Variants in CHL1 observed in about 807,000 individuals in gnomAD.
CHL1 encodes cell adhesion molecule L1 like, also known as neural cell adhesion molecule L1-like protein.
CHL1 carries 96 observed loss-of-function variants against 141.9 expected under a neutral mutation model. The ratio of observed to expected loss-of-function variants is 0.68; its 90% confidence interval spans 0.57 to 0.80. The LOEUF (loss-of-function observed/expected upper bound fraction) is 0.80, where lower values mean the gene tolerates loss of function less well. CHL1 is among the 30% of genes least tolerant of loss of function. The probability of loss-of-function intolerance (pLI) is 0.00; values close to 1 mark genes in which losing one functional copy is unlikely to be tolerated. For missense variants in CHL1, 1,820 were observed against 1,457.2 expected (o/e 1.25, Z -4.05); for synonymous variants, 613 against 502.2 (o/e 1.22, Z -2.95).
chr3:234,188 T>C (rs1322552199), intron 1 of CHL1, among the ~76,000 whole-genome samples: 1 of 94,064 alleles, frequency 1.1e-5, no homozygotes, highest in Non-Finnish European at 2.7e-5. Flanking sequence ...TATATGTGTG[T>C]GTGTGTATAT....
intron 1 of CHL1, chr3:217,532 G>A (rs1174453037): frequency 1.3e-5 from 2 of 152,224 alleles, no homozygotes; most frequent in Non-Finnish European, 2.9e-5. Flanking sequence ...TTCACGCTGA[G>A]CCAGAAAGGG....
At chr3:333,139 T>A (rs57392973) in intron 5 of CHL1, among the ~76,000 whole-genome samples, 10 of 140,186 alleles carry the variant, frequency 7.1e-5, no homozygotes, top group African/African-American at 2.3e-4. Context: ...TTTTATTTTT[T>A]TTTTTTGCTG....
intron 26 of CHL1, among the ~76,000 whole-genome samples, chr3:399,535 A>G (rs927663821): frequency 4.6e-5 from 7 of 152,044 alleles, no homozygotes; most frequent in Non-Finnish European, 1.0e-4. Flanking sequence ...AGCTACTCGG[A>G]AGGCTGAGAC....
At chr3:347,603 A>G (rs1702873192) in intron 9 of CHL1, among the ~76,000 whole-genome samples, 1 of 152,200 alleles carries the variant, frequency 6.6e-6, no homozygotes, top group Non-Finnish European at 1.5e-5. Flanking sequence ...GCTGAAAGTG[A>G]GTTACTTGCT....
In CHL1 at chr3:233,347, CTT is replaced by C. The variant is rs373428734; in HGVS notation, c.-174-11265_-174-11264del. 1.0e-3 allele frequency among the ~76,000 whole-genome samples: 155 copies of C among 152,230 alleles called. 2 individuals carry two copies. In the South Asian group the frequency reaches 0.028, roughly 28 times the overall value. ...TCTTTTAGGTTTCTGAGTTGCCTCT[CTT>C]GCTTTTCTATACCAGCCCCCAACCC... On this transcript the variant is annotated intron_variant, in intron 1 of 27. Transcript: ENST00000256509.
chr3:299,162 G>A (rs1304641403), intron 2 of CHL1, among the ~76,000 whole-genome samples: 1 of 152,198 alleles, frequency 6.6e-6, no homozygotes, highest in African/African-American at 2.4e-5. Flanking sequence ...AGAAGACACA[G>A]TCACGTAAAT....
At chr3:222,924 C>G (rs554985771) in intron 1 of CHL1, among the ~76,000 whole-genome samples, 2 of 152,234 alleles carry the variant, frequency 1.3e-5, no homozygotes, top group South Asian at 4.1e-4. Flanking sequence ...AGTATAGCAT[C>G]TTCCAATTTT....
intron 2 of CHL1, among the ~76,000 whole-genome samples, chr3:287,952 G>A (rs1574966619): frequency 6.6e-6 from 1 of 152,154 alleles, no homozygotes; most frequent in African/African-American, 2.4e-5. Context: ...ATTTTTAGTA[G>A]AGATGGGGTT....
chr3:279,277 C>G (rs1696426685), intron 2 of CHL1, among the ~76,000 whole-genome samples: 4 of 151,876 alleles, frequency 2.6e-5, no homozygotes, highest in Admixed American at 2.6e-4. Flanking sequence ...CATCATTTTT[C>G]TTTTCTTTTC....
Position 276,951 on chromosome 3 carries a change from AT to A in CHL1, c.-95+32261del, listed in dbSNP as rs531740230. Reference sequence around the variant, plus strand: ...CTCCGGGCCAGATTATCCGGGTTCCATTCTAAAGCACTCCACTTATTAGCTG... The same window carrying A: ...CTCCGGGCCAGATTATCCGGGTTCCATCTAAAGCACTCCACTTATTAGCTG... On this transcript the variant is annotated intron_variant, in intron 2 of 27. Coordinates refer to ENST00000256509, the MANE Select transcript of CHL1 (RefSeq NM_006614.4). Among the ~76,000 whole-genome samples the A allele has an allele frequency of 1.3e-3, 194 of 150,398 alleles. 1 individual carries two copies. Among genetic ancestry groups the A allele is most frequent in the African/African-American group, 4.5e-3 (183 of 40,968 alleles).
At chr3:261,377 G>A (rs73092565) in intron 2 of CHL1, among the ~76,000 whole-genome samples, 2,128 of 150,542 alleles carry the variant, frequency 0.014, 45 homozygotes, top group African/African-American at 0.046. Context: ...AAGGAAGGAG[G>A]GAGAGAGAGC....
chr3:310,886 T>G (rs972472723), intron 2 of CHL1, among the ~76,000 whole-genome samples: 2 of 152,228 alleles, frequency 1.3e-5, no homozygotes, highest in Non-Finnish European at 2.9e-5. Context: ...CTCCTATTCA[T>G]TCCCTCTTCT....
intron 1 of CHL1, among the ~76,000 whole-genome samples, chr3:233,241 C>G (rs1372999267): frequency 2.0e-5 from 3 of 152,082 alleles, no homozygotes; most frequent in Non-Finnish European, 1.5e-5. Flanking sequence ...AGCCTCGTCT[C>G]TTTTTATTAT....
At chr3:350,820 G>A (rs1383704260) in intron 10 of CHL1, among the ~76,000 whole-genome samples, 9 of 152,070 alleles carry the variant, frequency 5.9e-5, no homozygotes, top group East Asian at 5.8e-4. Context: ...ATGCATTAAC[G>A]TCAACATCTG....
In CHL1 at chr3:344,668, CA is replaced by C; in HGVS notation, c.810del (p.Glu272LysfsTer40). The C allele has an allele frequency of 6.2e-7, 1 of 1,613,810 alleles. No individual in the cohort carries two copies. On this transcript the variant is annotated frameshift_variant, in exon 9 of 28. Transcript: ENST00000256509. LOFTEE classifies it high-confidence loss of function. ...GCAGTGAGTCTTCAATTACCATCCT[CA>C]AAGGGGAAATCTTGCTGCTTGAGTG... is the stretch of plus-strand genomic sequence containing the variant. ...SGSESSITIL[K>X]GEILLLECFA... is the part of the protein sequence containing the mutation.
chr3:283,175 A>G (rs977096997), intron 2 of CHL1, among the ~76,000 whole-genome samples: 24 of 152,368 alleles, frequency 1.6e-4, no homozygotes, highest in African/African-American at 5.5e-4. Flanking sequence ...TGCTTTATGC[A>G]GTACATAAAT....
intron 5 of CHL1, among the ~76,000 whole-genome samples, chr3:333,832 T>G (rs2125105978): frequency 6.6e-6 from 1 of 152,336 alleles, no homozygotes; most frequent in Middle Eastern, 3.4e-3. Context: ...TAATCCTAAT[T>G]TGACTGTTGA....
chr3:375,629 A>C (rs560256799), intron 15 of CHL1, among the ~76,000 whole-genome samples: 1 of 152,212 alleles, frequency 6.6e-6, no homozygotes, highest in African/African-American at 2.4e-5. Flanking sequence ...GCAATAAGCC[A>C]AAAATGAATG....
At chr3:307,647 T>G (rs1461221811) in intron 2 of CHL1, among the ~76,000 whole-genome samples, 1 of 152,160 alleles carries the variant, frequency 6.6e-6, no homozygotes, top group Non-Finnish European at 1.5e-5. Context: ...AATCCACCAA[T>G]ATATACAACA....
Sources: allele counts gnomAD v4.1 joint callset (sites outside exome capture counted in the v4.1 genomes callset), GRCh38; gene constraint gnomAD v4.1.1; transcripts MANE v1.5; gene names NCBI Gene and HGNC (gene_info 2026-07-23, HGNC 2026-07-21).